The following ZMYND12 variants were observed in gnomAD, a reference collection of about 807,000 sequenced individuals.
ZMYND12 encodes zinc finger MYND-type containing 12, also known as zinc finger MYND domain-containing protein 12.
ZMYND12 carries 32 observed loss-of-function variants against 41.7 expected under a neutral mutation model. The observed-to-expected ratio is 0.77, with a 90% CI of 0.58 to 1.03. ZMYND12 has a LOEUF of 1.03. Among genes scored for constraint, ZMYND12 ranks in the 50% least tolerant of loss-of-function variants. The probability of loss-of-function intolerance (pLI) is 0.00; values close to 1 mark genes in which losing one functional copy is unlikely to be tolerated. For missense variants in ZMYND12, 424 were observed against 438.5 expected (o/e 0.97, Z 0.30); for synonymous variants, 148 against 164.8 (o/e 0.90, Z 0.78).
intron 2 of ZMYND12, 139 bp from the exon 3 acceptor site, chr1:42,448,777 G>A (rs1457628830): frequency 1.6e-5 from 12 of 741,332 alleles, no homozygotes; most frequent in Middle Eastern, 2.5e-4. Flanking sequence ...TAGAGTGGAC[G>A]TGAAGCCCCA....
Position 42,436,410 on chromosome 1 carries a change from C to T in ZMYND12, c.717+11G>A, listed in dbSNP as rs754354140. The T allele has an allele frequency of 1.9e-6, 3 of 1,612,612 alleles. No individual in the cohort carries two copies. The highest frequency in any genetic ancestry group is 2.5e-6 in the Non-Finnish European group (3 of 1,178,890). On this transcript the variant is annotated intron_variant, in intron 5 of 7. Coordinates refer to ENST00000372565, the MANE Select transcript of ZMYND12 (RefSeq NM_032257.5). ...AGAGTGAAGGCTCAGCTCCCACATT[C>T]CCCAGCTCACCTTGGTGTACAATGT...
chr1:42,447,908 G>T (rs1288922786), intron 3 of ZMYND12, among the ~76,000 whole-genome samples: 1 of 152,058 alleles, frequency 6.6e-6, no homozygotes, highest in East Asian at 1.9e-4. Context: ...TGATCCCAGG[G>T]AATAAAGGTG....
intron 4 of ZMYND12, among the ~76,000 whole-genome samples, chr1:42,439,560 G>A (rs979491451): frequency 2.6e-5 from 4 of 151,666 alleles, no homozygotes; most frequent in Admixed American, 6.6e-5. Flanking sequence ...CACCATGCCC[G>A]GCCAGCAAAG....
chr1:42,455,313 C>T (rs1401269087), intron 1 of ZMYND12, among the ~76,000 whole-genome samples: 1 of 152,230 alleles, frequency 6.6e-6, no homozygotes, highest in Non-Finnish European at 1.5e-5. Context: ...ACTCTCGTTG[C>T]CCAAGCTGGA....
intron 3 of ZMYND12, among the ~76,000 whole-genome samples, chr1:42,444,969 G>A (rs551542047): frequency 2.9e-4 from 44 of 151,296 alleles, no homozygotes; most frequent in Admixed American, 1.1e-3. Flanking sequence ...CACCACGCCC[G>A]GCTAATTTTT....
intron 1 of ZMYND12, 40 bp from the exon 2 acceptor site, chr1:42,450,099 G>C (rs746371729): frequency 5.0e-6 from 8 of 1,605,868 alleles, no homozygotes; most frequent in Non-Finnish European, 6.8e-6. Context: ...TTTATATTTG[G>C]CATGACTTAA....
Position 42,436,538 on chromosome 1 carries a change from ATAAATC to A in ZMYND12, c.595-1_599del. On this transcript the variant is annotated splice_acceptor_variant and coding_sequence_variant, in exon 5 of 8. Transcript: ENST00000372565. LOFTEE classifies it high-confidence loss of function. The stretch of plus-strand genomic sequence containing the variant: ...CTGTTCCAAATGCACAACTGGCAAA[ATAAATC>A]TATAGCAGAAGGAAGAAGGAGAGTG... The A allele has an allele frequency of 6.2e-7, 1 of 1,612,918 alleles. No individual in the cohort carries two copies. Among genetic ancestry groups the A allele is most frequent in the South Asian group, 1.1e-5 (1 of 91,062 alleles).
intron 4 of ZMYND12, among the ~76,000 whole-genome samples, chr1:42,438,513 A>G (rs1265551254): frequency 6.6e-6 from 1 of 152,172 alleles, no homozygotes; most frequent in Non-Finnish European, 1.5e-5. Context: ...ACTGTTCCTG[A>G]CAGATCAGGG....
At chr1:42,450,157 A>G in intron 1 of ZMYND12, 98 bp from the exon 2 acceptor site, 1 of 1,423,354 alleles carries the variant, frequency 7.0e-7, no homozygotes, top group Non-Finnish European at 9.6e-7. Context: ...CCAGAAAAGT[A>G]AGCCAAATAC....
At position 42,433,000 on chromosome 1, in the gene ZMYND12, A is replaced by T. The variant is rs2494376; in HGVS notation, c.975+143T>A. On this transcript the variant is annotated intron_variant, in intron 7 of 7. Coordinates refer to ENST00000372565, the MANE Select transcript of ZMYND12 (RefSeq NM_032257.5). ...AGGCTAGACTCAACACAGGAGAAAC[A>T]TCGTGAGCATCTGAACCTCTTTGGA... 1.2e-5 allele frequency: 12 copies of T among 1,014,124 alleles called. No homozygotes were observed. In the Admixed American group the frequency reaches 2.5e-4, roughly 21 times the overall value. 62.8% of individuals were successfully genotyped at this position (1,014,124 alleles called of 1,614,324 possible).
chr1:42,435,204 T>A, intron 6 of ZMYND12, 70 bp downstream of exon 6: 2 of 1,226,902 alleles, frequency 1.6e-6, no homozygotes, highest in Non-Finnish European at 2.4e-6. Context: ...GCTTTCCCTC[T>A]TAGGGACAAG....
chr1:42,454,301 CAA>C (rs1026538960), intron 1 of ZMYND12, among the ~76,000 whole-genome samples: 7 of 152,158 alleles, frequency 4.6e-5, no homozygotes, highest in African/African-American at 1.7e-4. Context: ...AGGAAGCCAC[CAA>C]AGAGGAGATA....
Position 42,455,961 on chromosome 1 carries a change from G to A in ZMYND12, c.37C>T (p.Arg13Cys), listed in dbSNP as rs746894765. The A allele has an allele frequency of 1.3e-5, 21 of 1,613,514 alleles. No individual in the cohort carries two copies. In the East Asian group the frequency reaches 4.7e-4, roughly 36 times the overall value. ...TCGCACACCTCACAGCAGAGTCTGCGCCCCTTGGGGACTGCCAGTGGGTAG... is the reference window on the plus strand; with the variant it reads ...TCGCACACCTCACAGCAGAGTCTGCACCCCTTGGGGACTGCCAGTGGGTAG... Reference protein sequence around the residue: ...VIYPLAVPKGRRLCCEVCEAP... With the variant: ...VIYPLAVPKGCRLCCEVCEAP... The change falls in exon 1 of 8, where the codon CGC becomes TGC. Residue 13 changes from arginine to cysteine, a missense_variant. Coordinates refer to ENST00000372565, the MANE Select transcript of ZMYND12 (RefSeq NM_032257.5).
In ZMYND12 at chr1:42,449,906, C is replaced by A; in HGVS notation, c.252+12G>T. On this transcript the variant is annotated intron_variant, in intron 2 of 7. Coordinates refer to ENST00000372565, the MANE Select transcript of ZMYND12 (RefSeq NM_032257.5). ...CCTACGACTTAACCTTGGAAAGTGC[C>A]GTAGGCCCTACCTGCCGCTGCTGCA... The A allele has an allele frequency of 6.2e-7, 1 of 1,608,842 alleles. No homozygotes were observed. Among genetic ancestry groups the A allele is most frequent in the South Asian group, 1.1e-5 (1 of 91,060 alleles).
intron 1 of ZMYND12, among the ~76,000 whole-genome samples, chr1:42,453,686 G>T (rs979817655): frequency 9.9e-5 from 15 of 152,184 alleles, no homozygotes; most frequent in African/African-American, 3.6e-4. Flanking sequence ...CCAAGCAAAA[G>T]GATTGAATCT....
intron 2 of ZMYND12, among the ~76,000 whole-genome samples, 171 bp downstream of exon 2, chr1:42,449,747 G>A (rs935115060): frequency 6.6e-6 from 1 of 152,210 alleles, no homozygotes; most frequent in Non-Finnish European, 1.5e-5. Context: ...TAAGTATTTA[G>A]TAAATGTGGA....
At chr1:42,443,861 T>G (rs1557769153) in intron 3 of ZMYND12, among the ~76,000 whole-genome samples, 3 of 152,106 alleles carry the variant, frequency 2.0e-5, no homozygotes, top group Admixed American at 1.3e-4. Context: ...TCAAGTGAAG[T>G]AGGCATACAA....
chr1:42,455,853 G>A, intron 1 of ZMYND12, 35 bp downstream of exon 1: 1 of 1,522,172 alleles, frequency 6.6e-7, no homozygotes. Flanking sequence ...GAGGGAGGGA[G>A]TTATAGCGCC....
chr1:42,440,209 A>T (rs1430102421), intron 3 of ZMYND12, among the ~76,000 whole-genome samples, 184 bp from the exon 4 acceptor site: 1 of 151,980 alleles, frequency 6.6e-6, no homozygotes, highest in Non-Finnish European at 1.5e-5. Flanking sequence ...AAACAGAAAC[A>T]ATGTAAATGT....
Sources: gnomAD v4.1 joint callset for allele counts (sites outside exome capture counted in the v4.1 genomes callset) on GRCh38, gnomAD v4.1.1 for gene constraint, MANE v1.5 for transcripts, NCBI Gene and HGNC (gene_info 2026-07-23, HGNC 2026-07-21) for gene names.